The following NCAM1 variants were observed in gnomAD, a reference collection of about 807,000 sequenced individuals.
The protein encoded by NCAM1 is antigen recognized by monoclonal antibody 5.1H11.
In NCAM1, 14 loss-of-function variants were observed where a neutral mutation model predicts 109.8. That is an observed-to-expected ratio of 0.13 (90% CI 0.08 to 0.20). The LOEUF (loss-of-function observed/expected upper bound fraction) is 0.20, where lower values mean the gene tolerates loss of function less well. Ranked by LOEUF, NCAM1 falls within the 10% of genes least tolerant of loss-of-function variation. The probability of loss-of-function intolerance (pLI) is 1.00; values close to 1 mark genes in which losing one functional copy is unlikely to be tolerated. For synonymous variants in NCAM1, 418 were observed against 442.9 expected (o/e 0.94, Z 0.70); for missense variants, 774 against 1,109.9 (o/e 0.70, Z 4.30).
rs1555113002 is a variant in NCAM1, at chr11:113,207,277, G to A, written c.645G>A (p.Gln215=). The part of the protein sequence containing the change: ...QVIVNVPPTI[Q]ARQNIVNATA... Reference sequence around the variant, plus strand: ...TTCCTTCAGTGCCACCTACCATCCAGGCCAGGCAGAATATTGTGAATGCCA... The same window carrying A: ...TTCCTTCAGTGCCACCTACCATCCAAGCCAGGCAGAATATTGTGAATGCCA... Residue 215 remains glutamine (Q), a synonymous_variant, in exon 6 of 20, where the codon CAG becomes CAA. Transcript: ENST00000316851. The A allele has an allele frequency of 1.2e-6, 2 of 1,613,912 alleles. No individual in the cohort carries two copies. Among genetic ancestry groups the A allele is most frequent in the East Asian group, 4.5e-5 (2 of 44,874 alleles).
At chr11:113,232,953 G>T in intron 12 of NCAM1, 139 bp downstream of exon 12, 1 of 981,820 alleles carries the variant, frequency 1.0e-6, no homozygotes, top group Non-Finnish European at 1.5e-6. Context: ...GAGTTGGGAA[G>T]CTGGGAGCCA....
intron 1 of NCAM1, among the ~76,000 whole-genome samples, chr11:113,168,365 C>T (rs1942878744): frequency 6.6e-6 from 1 of 152,174 alleles, no homozygotes; most frequent in South Asian, 2.1e-4. Context: ...CAGCTCACAT[C>T]TGTTATTCCA....
At chr11:113,056,631 C>T (rs1211485022) in intron 1 of NCAM1, among the ~76,000 whole-genome samples, 22 of 152,134 alleles carry the variant, frequency 1.4e-4, no homozygotes, top group Admixed American at 1.4e-3. Context: ...GCTGACAGCC[C>T]TCGTTCCAGC....
intron 8 of NCAM1, 80 bp from the exon 9 acceptor site, chr11:113,221,216 C>T: frequency 7.3e-7 from 1 of 1,375,488 alleles, no homozygotes; most frequent in Non-Finnish European, 1.0e-6. Context: ...GCACGGAATG[C>T]AGTGTGATAC....
At chr11:113,002,903 C>T (rs1951793928) in intron 1 of NCAM1, among the ~76,000 whole-genome samples, 1 of 152,108 alleles carries the variant, frequency 6.6e-6, no homozygotes, top group Non-Finnish European at 1.5e-5. Flanking sequence ...AGTTAATTAC[C>T]ATTGAGAGAA....
chr11:113,027,339 T>G (rs1398479984), intron 1 of NCAM1, among the ~76,000 whole-genome samples: 1 of 152,218 alleles, frequency 6.6e-6, no homozygotes. Context: ...TAACCAATGT[T>G]GTAGGAATTT....
intron 1 of NCAM1, among the ~76,000 whole-genome samples, chr11:113,032,848 T>G (rs1555078538): frequency 6.6e-6 from 1 of 152,216 alleles, no homozygotes; most frequent in Non-Finnish European, 1.5e-5. Flanking sequence ...TAGCTGGATA[T>G]TTCAACAGAG....
At chr11:113,234,511 T>G (rs1308582228) in intron 13 of NCAM1, among the ~76,000 whole-genome samples, 4 of 152,218 alleles carry the variant, frequency 2.6e-5, no homozygotes, top group African/African-American at 9.6e-5. Flanking sequence ...TTGGCTATTC[T>G]AAGTACCTCA....
rs76550835 is a variant in NCAM1, at chr11:113,235,759, T to C, written c.1825+595T>C. Reference sequence around the variant, plus strand: ...TTCCTCACGGCCTCTTTCAAGAGAATTGCTTCCCCCTGATTCCACTCAGGG... The same window carrying C: ...TTCCTCACGGCCTCTTTCAAGAGAACTGCTTCCCCCTGATTCCACTCAGGG... On this transcript the variant is annotated intron_variant, in intron 14 of 19. Coordinates refer to ENST00000316851, the MANE Select transcript of NCAM1 (RefSeq NM_181351.5). Among the ~76,000 whole-genome samples, 1,299 of 152,332 alleles carry C rather than the reference T, an allele frequency of 8.5e-3. 20 individuals are homozygous for C. The highest frequency in any genetic ancestry group is 0.028 in the African/African-American group (1,173 of 41,576).
intron 1 of NCAM1, among the ~76,000 whole-genome samples, chr11:112,993,628 A>C (rs1951520621): frequency 6.6e-6 from 1 of 152,084 alleles, no homozygotes; most frequent in South Asian, 2.1e-4. Context: ...TTGTTTTTAA[A>C]ATTTTTATAT....
At chr11:112,978,988 A>G (rs962249382) in intron 1 of NCAM1, among the ~76,000 whole-genome samples, 15 of 151,778 alleles carry the variant, frequency 9.9e-5, no homozygotes, top group Non-Finnish European at 1.8e-4. Flanking sequence ...CCTCTTTACT[A>G]TTGTATGGGT....
intron 17 of NCAM1, among the ~76,000 whole-genome samples, chr11:113,269,104 G>A (rs1042775172): frequency 6.6e-6 from 1 of 152,166 alleles, no homozygotes; most frequent in Admixed American, 6.5e-5. Flanking sequence ...CTTGCTTCCT[G>A]CATCATGACC....
At chr11:113,275,156 G>A (rs1041454667) in intron 19 of NCAM1, 111 bp from the exon 20 acceptor site, 67 of 1,400,594 alleles carry the variant, frequency 4.8e-5, no homozygotes, top group Middle Eastern at 2.4e-4. Flanking sequence ...GGAGCCGGGT[G>A]CTGTCACTGG....
At chr11:113,081,669 G>A (rs2135681213) in intron 1 of NCAM1, among the ~76,000 whole-genome samples, 1 of 152,090 alleles carries the variant, frequency 6.6e-6, no homozygotes, top group East Asian at 1.9e-4. Flanking sequence ...AAGTAGCTGA[G>A]ATTACAGGTG....
chr11:113,122,124 C>A (rs1343364723), intron 1 of NCAM1, among the ~76,000 whole-genome samples: 1 of 152,204 alleles, frequency 6.6e-6, no homozygotes, highest in Admixed American at 6.5e-5. Flanking sequence ...CTGGTGTCAT[C>A]AGCTTGCCTT....
chr11:113,138,450 C>T (rs1941691396), intron 1 of NCAM1, among the ~76,000 whole-genome samples: 2 of 152,230 alleles, frequency 1.3e-5, no homozygotes, highest in African/African-American at 4.8e-5. Context: ...TCAGTGCTTT[C>T]AAATAGCAAA....
chr11:113,236,208 A>T, intron 14 of NCAM1: 4 of 1,136,564 alleles, frequency 3.5e-6, no homozygotes, highest in Non-Finnish European at 3.9e-6. Flanking sequence ...TGCTCTGCGG[A>T]TTCTATTCAT....
At chr11:113,167,740 T>C (rs1468682705) in intron 1 of NCAM1, among the ~76,000 whole-genome samples, 3 of 152,124 alleles carry the variant, frequency 2.0e-5, no homozygotes, top group Non-Finnish European at 4.4e-5. Context: ...GTGGTTCACA[T>C]AACTCAGCTC....
chr11:112,975,281 G>T (rs909854142), intron 1 of NCAM1, among the ~76,000 whole-genome samples: 6 of 152,010 alleles, frequency 3.9e-5, no homozygotes, highest in Non-Finnish European at 5.9e-5. Context: ...TTGGCAAGTG[G>T]CCATGTCTCA....
Sources: allele counts gnomAD v4.1 joint callset (sites outside exome capture counted in the v4.1 genomes callset), GRCh38; gene constraint gnomAD v4.1.1; transcripts MANE v1.5; gene names NCBI Gene and HGNC (gene_info 2026-07-23, HGNC 2026-07-21).